The following ACVR2A variants were observed in gnomAD, a reference collection of about 807,000 sequenced individuals.
ACVR2A encodes the protein activin receptor type-2A.
ACVR2A carries 7 observed loss-of-function variants against 61.4 expected under a neutral mutation model. The ratio of observed to expected loss-of-function variants is 0.11; its 90% CI spans 0.06 to 0.21. The LOEUF (loss-of-function observed/expected upper bound fraction) is 0.21, where lower values mean the gene tolerates loss of function less well. Among genes scored for constraint, ACVR2A ranks in the 10% least tolerant of loss-of-function variants. ACVR2A has a pLI of 1.00. For missense variants in ACVR2A, 322 were observed against 621.7 expected, an observed-to-expected ratio of 0.52 and a Z score of 5.13; for synonymous variants, 193 against 208.3, an observed-to-expected ratio of 0.93 and a Z score of 0.63.
chr2:147,881,602 A>AGTGT (rs145075375), intron 1 of ACVR2A, among the ~76,000 whole-genome samples: 2,392 of 81,394 alleles, frequency 0.029, 90 homozygotes, highest in Middle Eastern at 0.045. Flanking sequence ...GAAGCTGCTT[A>AGTGT]GTGTGTGTGT....
intron 9 of ACVR2A, among the ~76,000 whole-genome samples, chr2:147,924,947 AC>A (rs1311853812): frequency 6.6e-6 from 1 of 151,948 alleles, no homozygotes; most frequent in Non-Finnish European, 1.5e-5. Context: ...GCAGAGACCA[AC>A]TGTCCAGCCA....
chr2:147,871,096 C>T, intron 1 of ACVR2A, among the ~76,000 whole-genome samples: 1 of 152,022 alleles, frequency 6.6e-6, no homozygotes, highest in East Asian at 1.9e-4. Flanking sequence ...TAATGTTTTG[C>T]ATATACTGAG....
intron 1 of ACVR2A, among the ~76,000 whole-genome samples, chr2:147,864,964 A>G (rs1398304009): frequency 1.3e-5 from 2 of 152,112 alleles, no homozygotes; most frequent in East Asian, 3.9e-4. Context: ...CAATATAAAA[A>G]CATGAGATAC....
At chr2:147,890,449 CAAAAT>C (rs2105182628) in intron 1 of ACVR2A, among the ~76,000 whole-genome samples, 1 of 151,844 alleles carries the variant, frequency 6.6e-6, no homozygotes, top group East Asian at 1.9e-4. Context: ...TATATATTCT[CAAAAT>C]AAACTTTTCA....
intron 1 of ACVR2A, among the ~76,000 whole-genome samples, chr2:147,894,050 A>G (rs535193566): frequency 1.3e-5 from 2 of 152,230 alleles, no homozygotes; most frequent in Admixed American, 6.5e-5. Context: ...GGCGTGATAT[A>G]TGGGTTGAAG....
At chr2:147,868,077 TAAC>T (rs1282360740) in intron 1 of ACVR2A, among the ~76,000 whole-genome samples, 3 of 152,230 alleles carry the variant, frequency 2.0e-5, no homozygotes, top group African/African-American at 4.8e-5. Flanking sequence ...CGTTAGAACT[TAAC>T]AAGTTTTTCT....
chr2:147,874,464 C>T (rs894271748), intron 1 of ACVR2A, among the ~76,000 whole-genome samples: 1 of 151,860 alleles, frequency 6.6e-6, no homozygotes, highest in African/African-American at 2.4e-5. Context: ...AGTTGTTACC[C>T]CTTAAAGCAG....
rs3754541 is a variant in ACVR2A at position 147,901,026 on chromosome 2, G to C, written c.528+1128G>C. 9.0e-4 allele frequency among the ~76,000 whole-genome samples: 136 copies of C among 151,914 alleles called. 1 individual carries two copies. In the Middle Eastern group the frequency reaches 0.017, roughly 19 times the overall value. ...AACCCAAAGGTAAAATACCATGTTC[G>C]GTAATTAGGTAAACATTATTTTGTA... On this transcript the variant is annotated intron_variant, in intron 4 of 10. Coordinates refer to ENST00000241416, the MANE Select transcript of ACVR2A (RefSeq NM_001616.5).
intron 4 of ACVR2A, among the ~76,000 whole-genome samples, chr2:147,914,587 T>G (rs751944140): frequency 6.6e-6 from 1 of 151,998 alleles, no homozygotes; most frequent in Non-Finnish European, 1.5e-5. Flanking sequence ...GGATGAATTG[T>G]TAATATGTTT....
chr2:147,857,525 TTTTC>T (rs1202633772), intron 1 of ACVR2A, among the ~76,000 whole-genome samples: 2 of 147,764 alleles, frequency 1.4e-5, no homozygotes, highest in Non-Finnish European at 3.0e-5. Flanking sequence ...GCAAGAATGG[TTTTC>T]TTTAAAAAAA....
At chr2:147,918,169 A>T (rs901034290) in intron 6 of ACVR2A, among the ~76,000 whole-genome samples, 9 of 137,750 alleles carry the variant, frequency 6.5e-5, no homozygotes, top group African/African-American at 2.4e-4. Flanking sequence ...ACTAGTCTTT[A>T]AAAAAAAAAA....
chr2:147,865,570 C>T (rs1253632551), intron 1 of ACVR2A, among the ~76,000 whole-genome samples: 1 of 152,120 alleles, frequency 6.6e-6, no homozygotes, highest in Admixed American at 6.5e-5. Flanking sequence ...GAGTTTAATC[C>T]TTAATGGAAT....
rs1558819115 is a variant in ACVR2A at position 147,930,133 on chromosome 2, T to TATCTA, written c.*2860_*2864dup. 6.6e-6 allele frequency: 1 copy of TATCTA among 152,506 alleles called. No individual in the cohort carries two copies. Among genetic ancestry groups the TATCTA allele is most frequent in the East Asian group, 1.9e-4 (1 of 5,198 alleles). 9.4% of individuals were successfully genotyped at this position (152,506 alleles called of 1,614,324 possible). On this transcript the variant is annotated 3_prime_UTR_variant, in exon 11 of 11. Transcript: ENST00000241416. ...GATTGTTAGTCCCATGAACTTGCAC[T>TATCTA]ATCTATCTTTCATGGTGATGTTTTG...
rs200561793 is a variant in ACVR2A, at chr2:147,884,786, G to C, written c.56-11515G>C. The stretch of plus-strand genomic sequence containing the variant: ...TCAGCATAGATATTGTATACCCCTT[G>C]TTTTTATTGGGTAGTTAATATAGTG... On this transcript the variant is annotated intron_variant, in intron 1 of 10. Transcript: ENST00000241416. Among the ~76,000 whole-genome samples, 18 of 152,226 alleles carry C rather than the reference G, an allele frequency of 1.2e-4. No individual in the cohort carries two copies. In the East Asian group the frequency reaches 3.5e-3, roughly 29 times the overall value.
intron 8 of ACVR2A, among the ~76,000 whole-genome samples, chr2:147,922,486 G>A (rs1027263122): frequency 6.6e-6 from 1 of 152,080 alleles, no homozygotes; most frequent in Non-Finnish European, 1.5e-5. Context: ...GTTGGGGACA[G>A]TTATAAATAA....
intron 1 of ACVR2A, among the ~76,000 whole-genome samples, chr2:147,846,994 G>A (rs1308981614): frequency 2.0e-5 from 3 of 152,076 alleles, no homozygotes; most frequent in Non-Finnish European, 4.4e-5. Flanking sequence ...AAAGCAGGCT[G>A]TCGCTACAGA....
chr2:147,852,082 A>C (rs529623001), intron 1 of ACVR2A, among the ~76,000 whole-genome samples: 58 of 152,116 alleles, frequency 3.8e-4, no homozygotes, highest in Admixed American at 2.4e-3. Flanking sequence ...TTCAAATTTA[A>C]ATTTTTTTAA....
intron 10 of ACVR2A, 149 bp from the exon 11 acceptor site, chr2:147,926,931 G>A (rs933329115): frequency 1.0e-5 from 7 of 700,464 alleles, no homozygotes; most frequent in Non-Finnish European, 1.6e-5. Flanking sequence ...TTTTCTTTAT[G>A]ATTCTGCACA....
At chr2:147,864,264 G>A (rs193254306) in intron 1 of ACVR2A, among the ~76,000 whole-genome samples, 4 of 152,106 alleles carry the variant, frequency 2.6e-5, no homozygotes, top group Non-Finnish European at 4.4e-5. Context: ...GAGTCTAACT[G>A]TGTCACCCAG....
Sources: gnomAD v4.1 joint callset for allele counts (sites outside exome capture counted in the v4.1 genomes callset) on GRCh38, gnomAD v4.1.1 for gene constraint, MANE v1.5 for transcripts, NCBI Gene and HGNC (gene_info 2026-07-23, HGNC 2026-07-21) for gene names.